The following SBF2 variants were observed in gnomAD, a reference collection of about 807,000 sequenced individuals.
SBF2 encodes the protein SET binding factor 2, also known as myotubularin-related protein 13.
Under a neutral mutation model 225.2 loss-of-function variants are expected in SBF2, and 112 were observed. That is an observed-to-expected ratio of 0.50 (90% CI 0.43 to 0.58). The LOEUF is 0.58. SBF2 is among the 20% of genes least tolerant of loss of function. SBF2 has a pLI of 0.00. For missense variants in SBF2, 1,996 were observed against 2,206.2 expected, an observed-to-expected ratio of 0.90 and a Z score of 1.91; for synonymous variants, 763 against 773.3, an observed-to-expected ratio of 0.99 and a Z score of 0.22.
At chr11:9,913,955 G>T (rs1026604527) in intron 16 of SBF2, among the ~76,000 whole-genome samples, 1 of 152,154 alleles carries the variant, frequency 6.6e-6, no homozygotes, top group Admixed American at 6.5e-5. Context: ...ACCTGCTCTG[G>T]ACTCCCAAAG....
chr11:10,036,844 C>T (rs973942046), intron 3 of SBF2, among the ~76,000 whole-genome samples: 3 of 152,104 alleles, frequency 2.0e-5, no homozygotes, highest in Non-Finnish European at 4.4e-5. Flanking sequence ...GTTTGTTTTC[C>T]TTTAATTATA....
At chr11:10,233,146 T>A (rs1276950511) in intron 1 of SBF2, among the ~76,000 whole-genome samples, 1 of 152,254 alleles carries the variant, frequency 6.6e-6, no homozygotes, top group Non-Finnish European at 1.5e-5. Flanking sequence ...AATTTTCATA[T>A]CTTTTCATTT....
At chr11:9,833,940 T>C (rs1329602746) in intron 26 of SBF2, among the ~76,000 whole-genome samples, 2 of 150,108 alleles carry the variant, frequency 1.3e-5, no homozygotes, top group Non-Finnish European at 3.0e-5. Flanking sequence ...CTGGCTAATT[T>C]TGTATTTTTA....
chr11:10,092,772 C>A (rs777179436), intron 2 of SBF2, among the ~76,000 whole-genome samples: 9 of 152,132 alleles, frequency 5.9e-5, no homozygotes, highest in Non-Finnish European at 1.3e-4. Flanking sequence ...CAAGAGTTAA[C>A]TAATGGAGCT....
intron 10 of SBF2, 24 bp downstream of exon 10, chr11:9,993,897 A>G: frequency 1.4e-6 from 2 of 1,455,334 alleles, no homozygotes; most frequent in Non-Finnish European, 1.9e-6. Context: ...TAACAGCATT[A>G]AATTTAAATA....
chr11:9,826,816 C>T (rs1358401547), intron 28 of SBF2, among the ~76,000 whole-genome samples: 1 of 150,984 alleles, frequency 6.6e-6, no homozygotes, highest in Admixed American at 6.6e-5. Context: ...TGGAGTTTTG[C>T]TCTTGTTGCC....
rs192799041 is a variant in SBF2 at position 10,094,457 on chromosome 11, G to A, written c.142-51476C>T. Among the ~76,000 whole-genome samples, 16 of 151,178 alleles carry A rather than the reference G, an allele frequency of 1.1e-4. No homozygotes were observed. The East Asian group carries it at 1.9e-3, about 18-fold the overall frequency. On this transcript the variant is annotated intron_variant, in intron 2 of 39. Coordinates refer to ENST00000256190, the MANE Select transcript of SBF2 (RefSeq NM_030962.4). ...AAACCTGACTGCCTATAAAGGTTGT[G>A]CATATGAGTCTGTGGGTATGTGACT...
intron 30 of SBF2, chr11:9,811,293 C>T (rs1405378653): frequency 6.6e-6 from 1 of 152,186 alleles, no homozygotes; most frequent in Non-Finnish European, 1.5e-5. Flanking sequence ...CCAAGATATG[C>T]AATGTACCTA....
At chr11:9,906,927 T>C (rs1418445666) in intron 16 of SBF2, among the ~76,000 whole-genome samples, 1 of 152,220 alleles carries the variant, frequency 6.6e-6, no homozygotes, top group East Asian at 1.9e-4. Flanking sequence ...CCTAGATACC[T>C]TTGAACTGTT....
Position 9,812,515 on chromosome 11 carries a change from G to T in SBF2, c.4155+17C>A. 6.2e-7 allele frequency: 1 copy of T among 1,613,904 alleles called. No homozygotes were observed. The highest frequency in any genetic ancestry group is 1.3e-5 in the African/African-American group (1 of 75,038). ...GTTTCTTTGAGTTATAAAGAAAGAA[G>T]CTGCTTCAGACATTACCTGTGGGAA... On this transcript the variant is annotated intron_variant, in intron 30 of 39. Transcript: ENST00000256190.
At chr11:10,219,319 C>G (rs1248598930) in intron 1 of SBF2, among the ~76,000 whole-genome samples, 2 of 152,224 alleles carry the variant, frequency 1.3e-5, no homozygotes, top group Non-Finnish European at 2.9e-5. Flanking sequence ...TGAGCTGTAA[C>G]TTGGCCCCTT....
chr11:10,097,037 T>G lies in SBF2; in HGVS notation c.142-54056A>C, dbSNP rs914304793. ...CTAAAAGGCCCCTAAAATTCATGTGTTAAAATTTTATCAACAATGTGATAG... is the reference window on the plus strand; with the variant it reads ...CTAAAAGGCCCCTAAAATTCATGTGGTAAAATTTTATCAACAATGTGATAG... On this transcript the variant is annotated intron_variant, in intron 2 of 39. Coordinates refer to ENST00000256190, the MANE Select transcript of SBF2 (RefSeq NM_030962.4). Among the ~76,000 whole-genome samples the G allele has an allele frequency of 2.0e-5, 3 of 152,326 alleles. No homozygotes were observed. In the East Asian group the frequency reaches 5.8e-4, roughly 29 times the overall value.
intron 2 of SBF2, among the ~76,000 whole-genome samples, chr11:10,169,290 A>AT (rs1324581621): frequency 1.3e-5 from 2 of 152,070 alleles, no homozygotes; most frequent in East Asian, 3.9e-4. Flanking sequence ...ACCCAACTAT[A>AT]TTTTTGTGCC....
At chr11:10,052,691 T>C (rs1282400825) in intron 2 of SBF2, among the ~76,000 whole-genome samples, 24 of 152,176 alleles carry the variant, frequency 1.6e-4, no homozygotes, top group Admixed American at 1.5e-3. Context: ...CGTGCTAATA[T>C]AATAATCTCT....
At chr11:10,183,342 T>A (rs2135293985) in intron 2 of SBF2, among the ~76,000 whole-genome samples, 1 of 152,224 alleles carries the variant, frequency 6.6e-6, no homozygotes, top group East Asian at 1.9e-4. Flanking sequence ...ATTCTGTAGA[T>A]CCAAGGGAAA....
chr11:10,186,244 A>AG (rs1956930503), intron 2 of SBF2, among the ~76,000 whole-genome samples: 3 of 152,180 alleles, frequency 2.0e-5, no homozygotes, highest in Non-Finnish European at 4.4e-5. Context: ...ACAAGACATT[A>AG]GTGTGTTCAT....
Position 9,989,683 on chromosome 11 carries a change from A to G in SBF2, c.1297-88T>C, listed in dbSNP as rs947452030. On this transcript the variant is annotated intron_variant, in intron 12 of 39. Coordinates refer to ENST00000256190, the MANE Select transcript of SBF2 (RefSeq NM_030962.4). ...ATAATTTCATACAATTTGCAAGCCA[A>G]AAAAATCCAACATATACATTATTTT... 3.7e-6 allele frequency: 3 copies of G among 813,136 alleles called. No homozygotes were observed. The African/African-American group carries it at 5.2e-5, about 14-fold the overall frequency. The allele number at this position is 813,136 out of a possible 1,614,324, so 50.4% of individuals were successfully genotyped here.
intron 16 of SBF2, among the ~76,000 whole-genome samples, chr11:9,919,012 G>A (rs947809675): frequency 6.6e-6 from 1 of 152,116 alleles, no homozygotes; most frequent in African/African-American, 2.4e-5. Flanking sequence ...AAAGTGCTGG[G>A]ATTACAGGTG....
chr11:10,036,395 A>C (rs1339695737), intron 3 of SBF2, among the ~76,000 whole-genome samples: 1 of 152,206 alleles, frequency 6.6e-6, no homozygotes, highest in East Asian at 1.9e-4. Flanking sequence ...CATGTACCCC[A>C]GAACTTAAAG....
Sources: allele counts gnomAD v4.1 joint callset (sites outside exome capture counted in the v4.1 genomes callset), GRCh38; gene constraint gnomAD v4.1.1; transcripts MANE v1.5; gene names NCBI Gene and HGNC (gene_info 2026-07-23, HGNC 2026-07-21).